Variants in PIKFYVE observed in about 807,000 individuals in gnomAD.
The protein encoded by PIKFYVE is 1-phosphatidylinositol 3-phosphate 5-kinase.
Under a neutral mutation model 257.9 loss-of-function variants are expected in PIKFYVE, and 122 were observed. That is an observed-to-expected ratio of 0.47 (90% CI 0.41 to 0.55). PIKFYVE has a LOEUF of 0.55. Among genes scored for constraint, PIKFYVE ranks in the 20% least tolerant of loss-of-function variants. The pLI is 0.00. For synonymous variants in PIKFYVE, 892 were observed against 868.9 expected, an observed-to-expected ratio of 1.03 and a Z score of -0.47; for missense variants, 2,160 against 2,536.6, an observed-to-expected ratio of 0.85 and a Z score of 3.19.
chr2:208,354,443 TTGG>T, intron 40 of PIKFYVE, 125 bp from the exon 41 acceptor site: 1 of 948,790 alleles, frequency 1.1e-6, no homozygotes, highest in South Asian at 1.4e-5. Context: ...AGAACAGCAC[TTGG>T]CACATTGTTA....
At chr2:208,345,279 T>C (rs1699127303) in intron 33 of PIKFYVE, 85 bp downstream of exon 33, 1 of 1,127,518 alleles carries the variant, frequency 8.9e-7, no homozygotes, top group African/African-American at 1.6e-5. Flanking sequence ...ATTACAGCAT[T>C]TATCATCATA....
intron 41 of PIKFYVE, 130 bp from the exon 42 acceptor site, chr2:208,355,060 C>G: frequency 1.3e-6 from 1 of 753,718 alleles, no homozygotes; most frequent in South Asian, 1.5e-5. Context: ...ATAACCTTTC[C>G]TGCCCACTCA....
intron 13 of PIKFYVE, among the ~76,000 whole-genome samples, chr2:208,313,097 T>C (rs1419116435): frequency 2.6e-5 from 4 of 152,246 alleles, no homozygotes; most frequent in African/African-American, 9.6e-5. Flanking sequence ...TACTGTGTAA[T>C]CTGCTGGGCT....
chr2:208,355,484 T>C lies in PIKFYVE; in HGVS notation c.*179T>C, dbSNP rs891133770. The C allele has an allele frequency of 1.9e-5, 11 of 580,128 alleles. No homozygotes were observed. Among genetic ancestry groups the C allele is most frequent in the Non-Finnish European group, 3.0e-5 (10 of 328,328 alleles). The allele number at this position is 580,128 out of a possible 1,614,324, so 35.9% of individuals were successfully genotyped here. A position where few individuals can be genotyped will look rare whatever the true frequency, so the allele number is the denominator to read the frequency against. On this transcript the variant is annotated 3_prime_UTR_variant, in exon 42 of 42. Coordinates refer to ENST00000264380, the MANE Select transcript of PIKFYVE (RefSeq NM_015040.4). ...GGTAAAACTCCATGAATTTGCACTTTGGTTTTTGATACCTGTGGAGCTGTC... is the reference window on the plus strand; with the variant it reads ...GGTAAAACTCCATGAATTTGCACTTCGGTTTTTGATACCTGTGGAGCTGTC...
chr2:208,310,906 A>G (rs781048077), intron 12 of PIKFYVE, among the ~76,000 whole-genome samples: 1 of 152,152 alleles, frequency 6.6e-6, no homozygotes, highest in African/African-American at 2.4e-5. Flanking sequence ...TGCTATTAAG[A>G]CATTGTTAAT....
chr2:208,329,616 T>C (rs1412890239), intron 21 of PIKFYVE, among the ~76,000 whole-genome samples: 1 of 152,200 alleles, frequency 6.6e-6, no homozygotes, highest in African/African-American at 2.4e-5. Flanking sequence ...TGCATCCTCA[T>C]TAGTTTCATA....
Position 208,298,756 on chromosome 2 carries a change from G to A in PIKFYVE, c.1027G>A (p.Glu343Lys). 1 of 1,614,146 alleles carries A rather than the reference G, an allele frequency of 6.2e-7. No homozygotes were observed. The highest frequency in any genetic ancestry group is 8.5e-7 in the Non-Finnish European group (1 of 1,180,000). ...NRTYVRTETT[E>K]DERKILLDSV... Reference sequence around the variant, plus strand: ...AACATATGTTAGGACAGAGACCACTGAGGATGAACGCAAAATTCTTCTGGT... The same window carrying A: ...AACATATGTTAGGACAGAGACCACTAAGGATGAACGCAAAATTCTTCTGGT... The change falls in exon 8 of 42, where the codon GAG becomes AAG. Residue 343 changes from glutamate to lysine, a missense_variant. Coordinates refer to ENST00000264380, the MANE Select transcript of PIKFYVE (RefSeq NM_015040.4).
intron 6 of PIKFYVE, among the ~76,000 whole-genome samples, chr2:208,286,497 TGAATTAGA>T (rs1691593837): frequency 6.6e-6 from 1 of 152,134 alleles, no homozygotes; most frequent in Non-Finnish European, 1.5e-5. Context: ...TGGAATTGTT[TGAATTAGA>T]GTCTTAGTTT....
chr2:208,285,256 C>T (rs1390410949), intron 5 of PIKFYVE, among the ~76,000 whole-genome samples: 5 of 151,950 alleles, frequency 3.3e-5, no homozygotes, highest in South Asian at 2.1e-4. Flanking sequence ...TTACCATGCC[C>T]GGCTAATTTT....
intron 1 of PIKFYVE, among the ~76,000 whole-genome samples, chr2:208,270,293 C>T (rs750628969): frequency 1.3e-5 from 2 of 151,996 alleles, no homozygotes; most frequent in South Asian, 2.1e-4. Context: ...CCGTCCACTT[C>T]GGCCTCCCAA....
At chr2:208,349,441 A>G (rs191157316) in intron 35 of PIKFYVE, among the ~76,000 whole-genome samples, 27 of 151,154 alleles carry the variant, frequency 1.8e-4, no homozygotes, top group African/African-American at 6.3e-4. Context: ...CATAGATTCT[A>G]GTATATTTTA....
chr2:208,304,338 A>G lies in PIKFYVE; in HGVS notation c.1468+20A>G. 1.9e-6 allele frequency: 3 copies of G among 1,612,266 alleles called. No homozygotes were observed. The highest frequency in any genetic ancestry group is 2.2e-5 in the East Asian group (1 of 44,864). On this transcript the variant is annotated intron_variant, in intron 11 of 41. Transcript: ENST00000264380. ...TGGCTAGTGAGTTTAACTTTCTAAC[A>G]TTTTAGTTTTGATGGGTCATTGCTG...
At chr2:208,312,341 A>G (rs1292059214) in intron 13 of PIKFYVE, 46 bp downstream of exon 13, 3 of 1,441,808 alleles carry the variant, frequency 2.1e-6, no homozygotes, top group Middle Eastern at 1.7e-4. Flanking sequence ...TCTTTTTTTC[A>G]TGAGGATATA....
intron 2 of PIKFYVE, among the ~76,000 whole-genome samples, chr2:208,272,860 G>A (rs923731829): frequency 1.3e-5 from 2 of 151,764 alleles, no homozygotes; most frequent in South Asian, 2.1e-4. Flanking sequence ...TAGAATTTCC[G>A]TATACTCCCA....
At position 208,342,644 on chromosome 2, in the gene PIKFYVE, T is replaced by C; in HGVS notation, c.5022T>C (p.Ala1674=). Residue 1674 remains alanine, a synonymous_variant, in exon 32 of 42, where the codon GCT becomes GCC. Transcript: ENST00000264380. ...AACCCAGCTCCATCATTGCTTTTGC[T>C]CTCAGGTATTATTCATGGGACTTTG... ...EKEPSSIIAF[A]LSCKEYRNAL... 1 of 1,606,018 alleles carries C rather than the reference T, an allele frequency of 6.2e-7. No homozygotes were observed. The highest frequency in any genetic ancestry group is 8.5e-7 in the Non-Finnish European group (1 of 1,172,534).
rs1689404519 is a variant in PIKFYVE, at chr2:208,271,427, T to G, written c.-9-84T>G. ...GTCTGACTTTTCACAGAATAGGATT[T>G]TCTGGATATTTCGATGCTGTTTGGA... is the stretch of plus-strand genomic sequence containing the variant. On this transcript the variant is annotated intron_variant, in intron 1 of 41. Coordinates refer to ENST00000264380, the MANE Select transcript of PIKFYVE (RefSeq NM_015040.4). 4 of 1,269,750 alleles carry G rather than the reference T, an allele frequency of 3.2e-6. No homozygotes were observed. In the South Asian group the frequency reaches 3.6e-5, roughly 11 times the overall value. The allele number at this position is 1,269,750 out of a possible 1,614,324, so 78.7% of individuals were successfully genotyped here.
chr2:208,285,588 TGAGAG>T, intron 5 of PIKFYVE, 133 bp from the exon 6 acceptor site: 1 of 712,620 alleles, frequency 1.4e-6, no homozygotes, highest in Admixed American at 2.5e-5. Context: ...TGTCTTTTTT[TGAGAG>T]TCTGTACTTG....
chr2:208,268,875 T>C (rs1689040086), intron 1 of PIKFYVE, among the ~76,000 whole-genome samples: 2 of 152,152 alleles, frequency 1.3e-5, no homozygotes, highest in South Asian at 2.1e-4. Flanking sequence ...ATTAAATTAT[T>C]GATCAGACAA....
Position 208,325,834 on chromosome 2 carries a change from C to T in PIKFYVE, c.3023C>T (p.Pro1008Leu). Residue 1008 changes from proline (P) to leucine (L), a missense_variant, in exon 20 of 42, where the codon CCC (proline) becomes CTC (leucine). Coordinates refer to ENST00000264380, the MANE Select transcript of PIKFYVE (RefSeq NM_015040.4). ...CAGCAAACAGTTGTGCTGCAGGATC[C>T]CAAAAGCCAGATAAGAGCCTTTAGA... ...TLQQTVVLQDPKSQIRAFRDP... is the reference protein window; with the variant it reads ...TLQQTVVLQDLKSQIRAFRDP... 6.2e-7 allele frequency: 1 copy of T among 1,613,982 alleles called. No individual in the cohort carries two copies. Among genetic ancestry groups the T allele is most frequent in the Non-Finnish European group, 8.5e-7 (1 of 1,179,984 alleles).
Sources: gnomAD v4.1 joint callset for allele counts (sites outside exome capture counted in the v4.1 genomes callset) on GRCh38, gnomAD v4.1.1 for gene constraint, MANE v1.5 for transcripts, NCBI Gene and HGNC (gene_info 2026-07-23, HGNC 2026-07-21) for gene names.